Variants in CCSER1 observed in about 807,000 individuals in gnomAD.
CCSER1 encodes the protein serine-rich coiled-coil domain-containing protein 1.
CCSER1 carries 41 observed loss-of-function variants against 82.0 expected under a neutral mutation model. The ratio of observed to expected loss-of-function variants is 0.50; its 90% CI spans 0.39 to 0.65. The LOEUF (loss-of-function observed/expected upper bound fraction) is 0.65, where lower values mean the gene tolerates loss of function less well. Among genes scored for constraint, CCSER1 ranks in the 30% least tolerant of loss-of-function variants. The pLI is 0.00. For missense variants in CCSER1, 1,119 were observed against 1,064.2 expected, an observed-to-expected ratio of 1.05 and a Z score of -0.72; for synonymous variants, 414 against 383.9, an observed-to-expected ratio of 1.08 and a Z score of -0.92.
At chr4:91,595,354 G>A (rs1041087094) in intron 10 of CCSER1, among the ~76,000 whole-genome samples, 1 of 152,062 alleles carries the variant, frequency 6.6e-6, no homozygotes, top group Non-Finnish European at 1.5e-5. Context: ...GTGTTCTGTG[G>A]AACCAAACTA....
intron 10 of CCSER1, among the ~76,000 whole-genome samples, chr4:91,474,474 A>G (rs1012670189): frequency 7.9e-5 from 12 of 151,648 alleles, no homozygotes; most frequent in Non-Finnish European, 1.6e-4. Context: ...TTTAATTCAA[A>G]TCATTCTATT....
chr4:90,406,981 A>C (rs1753830252), intron 4 of CCSER1, among the ~76,000 whole-genome samples: 1 of 152,200 alleles, frequency 6.6e-6, no homozygotes, highest in Non-Finnish European at 1.5e-5. Context: ...ACACACACCC[A>C]GCAGAAGAAA....
intron 10 of CCSER1, among the ~76,000 whole-genome samples, chr4:91,530,757 G>A (rs1013860334): frequency 6.7e-6 from 1 of 149,844 alleles, no homozygotes; most frequent in Non-Finnish European, 1.5e-5. Flanking sequence ...GTGTGATCTC[G>A]GCTAACCACA....
chr4:90,854,196 T>A (rs1368030675), intron 8 of CCSER1, among the ~76,000 whole-genome samples: 2 of 152,214 alleles, frequency 1.3e-5, no homozygotes, highest in Non-Finnish European at 2.9e-5. Flanking sequence ...GGTAATGCAA[T>A]ATTTCATGGA....
chr4:90,971,868 A>G (rs751776852), intron 9 of CCSER1, among the ~76,000 whole-genome samples: 1 of 151,982 alleles, frequency 6.6e-6, no homozygotes, highest in Non-Finnish European at 1.5e-5. Context: ...AATGTCATAC[A>G]ACACATGAAC....
At chr4:90,472,613 A>G (rs2153591542) in intron 5 of CCSER1, among the ~76,000 whole-genome samples, 1 of 152,308 alleles carries the variant, frequency 6.6e-6, no homozygotes, top group South Asian at 2.1e-4. Flanking sequence ...TTCAGAAAAC[A>G]AAGGTGGGGA....
At chr4:91,510,810 A>C (rs1044010932) in intron 10 of CCSER1, among the ~76,000 whole-genome samples, 14 of 152,180 alleles carry the variant, frequency 9.2e-5, no homozygotes, top group African/African-American at 3.4e-4. Flanking sequence ...AAAGCTCTTC[A>C]GTTTAATTAG....
intron 10 of CCSER1, among the ~76,000 whole-genome samples, chr4:91,414,961 T>C (rs923258030): frequency 1.3e-5 from 2 of 152,078 alleles, no homozygotes; most frequent in African/African-American, 2.4e-5. Context: ...CTGAAGTAGA[T>C]ATAGACAGCA....
chr4:90,231,684 C>A (rs1744585275), intron 1 of CCSER1, among the ~76,000 whole-genome samples: 2 of 151,822 alleles, frequency 1.3e-5, no homozygotes, highest in Non-Finnish European at 2.9e-5. Flanking sequence ...GTCAAATTGT[C>A]CCTGTTTGCA....
chr4:90,921,126 A>G (rs1437623016), intron 8 of CCSER1, among the ~76,000 whole-genome samples: 2 of 151,818 alleles, frequency 1.3e-5, no homozygotes, highest in Non-Finnish European at 2.9e-5. Context: ...CTTTTTGTAC[A>G]TATTAAATTT....
At chr4:91,161,398 T>C (rs1581677476) in intron 10 of CCSER1, among the ~76,000 whole-genome samples, 1 of 152,166 alleles carries the variant, frequency 6.6e-6, no homozygotes, top group East Asian at 1.9e-4. Context: ...TCTTTTTTGG[T>C]TCCATATGAA....
chr4:90,984,907 G>A (rs1022022687), intron 9 of CCSER1, among the ~76,000 whole-genome samples: 1 of 151,550 alleles, frequency 6.6e-6, no homozygotes, highest in Non-Finnish European at 1.5e-5. Context: ...GATGTGTTTT[G>A]TCTTAAATTC....
At chr4:90,179,559 A>G (rs1480481918) in intron 1 of CCSER1, among the ~76,000 whole-genome samples, 1 of 152,064 alleles carries the variant, frequency 6.6e-6, no homozygotes, top group Non-Finnish European at 1.5e-5. Context: ...TTGAAAATAA[A>G]TTTTGTACAG....
intron 10 of CCSER1, among the ~76,000 whole-genome samples, chr4:91,166,431 G>T (rs1014325690): frequency 6.6e-6 from 1 of 152,090 alleles, no homozygotes; most frequent in Admixed American, 6.5e-5. Flanking sequence ...AATGTTAGTT[G>T]CTCTAATCAA....
At chr4:91,098,706 T>G (rs1171195121) in intron 10 of CCSER1, among the ~76,000 whole-genome samples, 1 of 152,126 alleles carries the variant, frequency 6.6e-6, no homozygotes, top group Non-Finnish European at 1.5e-5. Context: ...CACGCCCAGC[T>G]AATTTTTTGT....
intron 1 of CCSER1, among the ~76,000 whole-genome samples, chr4:90,172,774 G>T (rs985478962): frequency 6.6e-6 from 1 of 151,798 alleles, no homozygotes; most frequent in African/African-American, 2.4e-5. Context: ...ATGCGTACTA[G>T]CTACGTTTGA....
At chr4:90,299,820 G>T (rs143212215) in intron 1 of CCSER1, among the ~76,000 whole-genome samples, 78 of 152,188 alleles carry the variant, frequency 5.1e-4, no homozygotes, top group Non-Finnish European at 8.5e-4. Context: ...TGGGTTAAAT[G>T]ATATAATTAG....
chr4:90,243,057 TCTCTC>T (rs1345173975), intron 1 of CCSER1, among the ~76,000 whole-genome samples: 11 of 142,862 alleles, frequency 7.7e-5, no homozygotes, highest in African/African-American at 3.1e-4. Context: ...CTTTTCTCTC[TCTCTC>T]TTTTTTTTTT....
At chr4:90,378,985 A>T (rs1247184151) in intron 3 of CCSER1, among the ~76,000 whole-genome samples, 1 of 152,210 alleles carries the variant, frequency 6.6e-6, no homozygotes, top group Admixed American at 6.5e-5. Context: ...AAAAATAATT[A>T]TCAGGAAATA....
Sources: allele counts gnomAD v4.1 joint callset (sites outside exome capture counted in the v4.1 genomes callset), GRCh38; gene constraint gnomAD v4.1.1; transcripts MANE v1.5; gene names NCBI Gene and HGNC (gene_info 2026-07-23, HGNC 2026-07-21).